PPRC1: variants seen among roughly 807,000 people sequenced by gnomAD.
The protein encoded by PPRC1 is peroxisome proliferator-activated receptor gamma coactivator-related protein 1.
Under a neutral mutation model 132.5 loss-of-function variants are expected in PPRC1, and 23 were observed. That is an observed-to-expected ratio of 0.17 (90% CI 0.12 to 0.25). The LOEUF (loss-of-function observed/expected upper bound fraction) is 0.25, where lower values mean the gene tolerates loss of function less well. Ranked by LOEUF, PPRC1 falls within the 10% of genes least tolerant of loss-of-function variation. The pLI, the probability that PPRC1 is intolerant of heterozygous loss-of-function variation, is 1.00. For missense variants in PPRC1, 2,006 were observed against 2,089.1 expected (o/e 0.96, Z 0.78); for synonymous variants, 872 against 833.5 (o/e 1.05, Z -0.80).
chr10:102,144,346 T>TA, intron 7 of PPRC1, 39 bp downstream of exon 7: 1 of 1,592,026 alleles, frequency 6.3e-7, no homozygotes. Context: ...CTACAGCTGT[T>TA]AGTCAGCAGC....
chr10:102,142,040 G>A (rs1417663136), intron 5 of PPRC1, 36 bp downstream of exon 5: 2 of 1,560,818 alleles, frequency 1.3e-6, no homozygotes, highest in South Asian at 2.4e-5. Flanking sequence ...TAGTCCCCAA[G>A]TTGGCTGGGG....
rs780040683 is a variant in PPRC1 at position 102,141,448 on chromosome 10, G to C, written c.2940G>C (p.Gly980=). The change falls in exon 5 of 14, where the codon GGG becomes GGC. Residue 980 remains glycine (G), a synonymous_variant. Coordinates refer to ENST00000278070, the MANE Select transcript of PPRC1 (RefSeq NM_015062.5). ...VSPYSSTCTY[G]PLGWGPGPQH... is the part of the protein sequence containing the mutation. ...CTTACAGTTCCACATGTACCTATGG[G>C]CCCTTGGGATGGGGCCCAGGGCCTC... 2 of 1,613,860 alleles carry C rather than the reference G, an allele frequency of 1.2e-6. No homozygotes were observed. Among genetic ancestry groups the C allele is most frequent in the Non-Finnish European group, 1.7e-6 (2 of 1,180,012 alleles).
At chr10:102,132,215 G>GT (rs1323806417), upstream of PPRC1, among the ~76,000 whole-genome samples, 6 of 152,152 alleles carry the variant, frequency 3.9e-5, no homozygotes, top group African/African-American at 1.4e-4. Context: ...CCTCTAAACA[G>GT]TCTTGTACTT....
At chr10:102,120,268 G>A in the PPRC1 span, 52 of 983,504 alleles carry the variant, frequency 5.3e-5, no homozygotes, top group East Asian at 1.1e-4. Context: ...CCTGGCTGCG[G>A]CGAGGGGCCT....
intron 3 of PPRC1, 47 bp downstream of exon 3, chr10:102,138,812 A>G (rs2068821186): frequency 2.5e-6 from 4 of 1,613,142 alleles, no homozygotes; most frequent in Non-Finnish European, 3.4e-6. Context: ...GTTTAGACCC[A>G]TGCCTGTGGA....
intron 9 of PPRC1, among the ~76,000 whole-genome samples, chr10:102,147,691 C>T (rs2069324661): frequency 6.6e-6 from 1 of 152,098 alleles, no homozygotes; most frequent in Admixed American, 6.6e-5. Context: ...CATACTGTAT[C>T]AGCCTTCATT....
rs530874873 is a variant in PPRC1 at position 102,149,065 on chromosome 10, G to A, written c.4740-113G>A. The A allele has an allele frequency of 1.8e-5, 28 of 1,527,108 alleles. No individual in the cohort carries two copies. The East Asian group carries it at 5.4e-4, about 30-fold the overall frequency. The allele number at this position is 1,527,108 out of a possible 1,614,324, so 94.6% of individuals were successfully genotyped here. ...GGCACCTTCATTTCTGCAGTCAGAG[G>A]GTTGGCCACTGGGAATGAGAAGAAC... is the stretch of plus-strand genomic sequence containing the variant. On this transcript the variant is annotated intron_variant, in intron 12 of 13. Coordinates refer to ENST00000278070, the MANE Select transcript of PPRC1 (RefSeq NM_015062.5).
upstream of PPRC1, among the ~76,000 whole-genome samples, chr10:102,128,681 C>T (rs1377420891): frequency 2.7e-5 from 4 of 149,394 alleles, no homozygotes; most frequent in South Asian, 4.3e-4. Context: ...GGTGCAATCT[C>T]GGCTCACTGC....
upstream of PPRC1, among the ~76,000 whole-genome samples, chr10:102,131,399 A>G (rs1159687030): frequency 6.6e-6 from 1 of 152,070 alleles, no homozygotes; most frequent in Non-Finnish European, 1.5e-5. Context: ...AAAAAAAAAA[A>G]AAAGAAAGAA....
Position 102,143,104 on chromosome 10 carries a change from G to A in PPRC1, c.3550+6G>A. On this transcript the variant is annotated splice_donor_region_variant and intron_variant, in intron 6 of 13. Coordinates refer to ENST00000278070, the MANE Select transcript of PPRC1 (RefSeq NM_015062.5). The stretch of plus-strand genomic sequence containing the variant: ...GCAGTTTGAGAAATCAGAAGGTGAG[G>A]GAACATGGGTAGTTTTGCTCCAACT... The A allele has an allele frequency of 6.2e-7, 1 of 1,611,474 alleles. No individual in the cohort carries two copies. The highest frequency in any genetic ancestry group is 8.5e-7 in the Non-Finnish European group (1 of 1,177,666).
chr10:102,132,912 C>A, upstream of PPRC1: 1 of 1,103,826 alleles, frequency 9.1e-7, no homozygotes, highest in Non-Finnish European at 1.1e-6. Flanking sequence ...TCGCGCGAGG[C>A]CAGGGCCTTC....
upstream of PPRC1, among the ~76,000 whole-genome samples, chr10:102,132,167 G>T (rs1481538999): frequency 6.6e-6 from 1 of 152,178 alleles, no homozygotes; most frequent in African/African-American, 2.4e-5. Context: ...TTAAATCTGG[G>T]CAGTAGAACT....
chr10:102,148,501 G>A lies in PPRC1; in HGVS notation c.4530G>A (p.Arg1510=). Residue 1510 remains arginine, a synonymous_variant, in exon 10 of 14, where the codon CGG becomes CGA. Coordinates refer to ENST00000278070, the MANE Select transcript of PPRC1 (RefSeq NM_015062.5). This position sits in a 1 kb window ranked among gnomAD's most constrained non-coding sequence, Gnocchi z 4.2. ...RSRSRSPSPR[R]RSDRRRRYSS... is the part of the protein sequence containing the mutation. ...GCTCACGATCCCCATCCCCCCGCCG[G>A]AGAAGTGACAGGAGGCGGCGGTGAG... The A allele has an allele frequency of 6.2e-7, 1 of 1,613,524 alleles. No homozygotes were observed. The highest frequency in any genetic ancestry group is 2.2e-5 in the East Asian group (1 of 44,872).
intron 1 of PPRC1, among the ~76,000 whole-genome samples, chr10:102,134,003 G>T (rs754941032): frequency 6.6e-6 from 1 of 152,038 alleles, no homozygotes; most frequent in Non-Finnish European, 1.5e-5. Flanking sequence ...GGAGGGTAGA[G>T]GGCTGAGGCT....
rs777379566 is a variant in PPRC1 at position 102,141,901 on chromosome 10, G to A, written c.3393G>A (p.Lys1131=). 1.9e-6 allele frequency: 3 copies of A among 1,614,134 alleles called. No homozygotes were observed. The highest frequency in any genetic ancestry group is 2.5e-6 in the Non-Finnish European group (3 of 1,180,022). The part of the protein sequence containing the change: ...VPTPRQSTVP[K]LPAVHPARLR... Reference sequence around the variant, plus strand: ...CACCAAGGCAGAGCACTGTCCCCAAGCTGCCTGCTGTCCACCCAGCCCGTC... The same window carrying A: ...CACCAAGGCAGAGCACTGTCCCCAAACTGCCTGCTGTCCACCCAGCCCGTC... The change falls in exon 5 of 14, where the codon AAG becomes AAA. Residue 1131 remains lysine (K), a synonymous_variant. Coordinates refer to ENST00000278070, the MANE Select transcript of PPRC1 (RefSeq NM_015062.5).
At position 102,147,314 on chromosome 10, in the gene PPRC1, C is replaced by A. The variant is rs781084852; in HGVS notation, c.4322C>A (p.Ser1441Tyr). 2.5e-6 allele frequency: 4 copies of A among 1,612,538 alleles called. No homozygotes were observed. In the South Asian group the frequency reaches 4.4e-5, roughly 18 times the overall value. Residue 1441 changes from serine to tyrosine, a missense_variant, in exon 9 of 14, where the codon TCT (serine) becomes TAT (tyrosine). Ser to Tyr is a moderately radical substitution (Grantham distance 144). Coordinates refer to ENST00000278070, the MANE Select transcript of PPRC1 (RefSeq NM_015062.5). ...SSGSNRTSEA[S>Y]SSSSSSSSSS... ...GGGTCCAACCGGACTAGCGAAGCAT[C>A]TTCCTCATCCTCATCATCGTCTTCC...
chr10:102,143,222 T>C, intron 6 of PPRC1, 124 bp downstream of exon 6: 1 of 825,812 alleles, frequency 1.2e-6, no homozygotes, highest in Non-Finnish European at 1.9e-6. Context: ...AGACCCCTAA[T>C]TGGAAGAGAG....
At chr10:102,124,510 C>T in the PPRC1 span, among the ~76,000 whole-genome samples, 32 of 151,136 alleles carry the variant, frequency 2.1e-4, no homozygotes, top group African/African-American at 6.8e-4. Context: ...ATTACAGGCG[C>T]GCACCACCAC....
chr10:102,125,602 C>T, the PPRC1 span, among the ~76,000 whole-genome samples: 5 of 151,896 alleles, frequency 3.3e-5, no homozygotes, highest in Admixed American at 3.3e-4. Context: ...AAGATGGACT[C>T]TGGACACAGG....
Sources: allele counts gnomAD v4.1 joint callset (sites outside exome capture counted in the v4.1 genomes callset), GRCh38; gene constraint gnomAD v4.1.1; non-coding constraint Gnocchi (gnomAD v3.1); transcripts MANE v1.5; gene names NCBI Gene and HGNC (gene_info 2026-07-23, HGNC 2026-07-21).